ELF1: variants seen among roughly 807,000 people sequenced by gnomAD.
The protein encoded by ELF1 is E74 like ETS transcription factor 1, also known as ETS-related transcription factor Elf-1.
A neutral mutation model predicts 59.9 loss-of-function variants in ELF1; 24 were observed. The ratio of observed to expected loss-of-function variants is 0.40; its 90% confidence interval spans 0.29 to 0.56. ELF1 has a LOEUF of 0.56. Ranked by LOEUF, ELF1 falls within the 20% of genes least tolerant of loss-of-function variation. The probability of loss-of-function intolerance (pLI) is 0.44; values close to 1 mark genes in which losing one functional copy is unlikely to be tolerated. For missense variants in ELF1, 627 were observed against 742.2 expected (o/e 0.84, Z 1.80); for synonymous variants, 248 against 266.2 (o/e 0.93, Z 0.67).
rs371065658 is a variant in ELF1 at position 40,982,067 on chromosome 13, C to T, written c.-13G>A. On this transcript the variant is annotated 5_prime_UTR_variant, in exon 2 of 9. Coordinates refer to ENST00000239882, the MANE Select transcript of ELF1 (RefSeq NM_172373.4). ...CAACAGCAGCCATAATAAAGCATTCCCCTTAGATCCACATGAGAAAAATTC... is the reference window on the plus strand; with the variant it reads ...CAACAGCAGCCATAATAAAGCATTCTCCTTAGATCCACATGAGAAAAATTC... The T allele has an allele frequency of 6.2e-7, 1 of 1,603,906 alleles. No homozygotes were observed. Among genetic ancestry groups the T allele is most frequent in the Non-Finnish European group, 8.5e-7 (1 of 1,175,994 alleles).
At chr13:40,978,745 A>G (rs773924659) in intron 2 of ELF1, among the ~76,000 whole-genome samples, 2 of 152,144 alleles carry the variant, frequency 1.3e-5, no homozygotes, top group Non-Finnish European at 2.9e-5. Context: ...TAGTCAAGGA[A>G]ATACAAATTA....
At chr13:40,995,094 C>CA (rs1263949847) in intron 1 of ELF1, among the ~76,000 whole-genome samples, 4 of 152,172 alleles carry the variant, frequency 2.6e-5, no homozygotes, top group African/African-American at 9.7e-5. Context: ...TTCACTCTTA[C>CA]ACGGAGGCAC....
intron 1 of ELF1, among the ~76,000 whole-genome samples, chr13:41,038,711 C>T (rs147122601): frequency 3.3e-5 from 5 of 152,080 alleles, no homozygotes; most frequent in Non-Finnish European, 5.9e-5. Context: ...CATTTATACA[C>T]TAATTGATAA....
intron 1 of ELF1, among the ~76,000 whole-genome samples, chr13:41,060,411 T>C (rs1877485742): frequency 6.6e-6 from 1 of 151,984 alleles, no homozygotes; most frequent in South Asian, 2.1e-4. Context: ...CCGGAGTTAA[T>C]CATCACCTCC....
At chr13:40,993,384 C>T (rs1873963410) in intron 1 of ELF1, 4 of 908,066 alleles carry the variant, frequency 4.4e-6, no homozygotes, top group East Asian at 2.4e-5. Flanking sequence ...GGCAGTGCAC[C>T]GATGGGTCTG....
intron 1 of ELF1, among the ~76,000 whole-genome samples, chr13:41,006,526 A>G (rs1874769624): frequency 6.6e-6 from 1 of 152,132 alleles, no homozygotes; most frequent in African/African-American, 2.4e-5. Context: ...ACAATCAAAC[A>G]CAGTTAACGA....
chr13:40,993,013 T>C, intron 1 of ELF1: 1 of 1,448,658 alleles, frequency 6.9e-7, no homozygotes, highest in Non-Finnish European at 9.7e-7. Flanking sequence ...AGGTTCTCTT[T>C]GTTGTATTCT....
chr13:40,951,344 C>A lies in ELF1; in HGVS notation c.346G>T (p.Asp116Tyr). The A allele has an allele frequency of 6.2e-7, 1 of 1,610,384 alleles. No individual in the cohort carries two copies. The highest frequency in any genetic ancestry group is 8.5e-7 in the Non-Finnish European group (1 of 1,177,824). Residue 116 changes from aspartate to tyrosine, a missense_variant, in exon 4 of 9, where the codon GAT becomes TAT. Asp to Tyr is a radical substitution (Grantham distance 160). Around this residue, in one of 3 missense-constraint regions of ELF1, gnomAD observed 232 missense variants for 269.2 expected, o/e 0.86. Transcript: ENST00000239882. ...LNMDSPGPMLDEKRINNNIFS... is the reference protein window; with the variant it reads ...LNMDSPGPMLYEKRINNNIFS... ...AATCACTCACTTATTCGTTTTTCAT[C>A]CAGCATAGGGCCAGGGGAATCCATA...
chr13:40,983,793 A>G (rs1873413893), intron 1 of ELF1, among the ~76,000 whole-genome samples: 1 of 152,142 alleles, frequency 6.6e-6, no homozygotes, highest in African/African-American at 2.4e-5. Context: ...ATCCAACCCA[A>G]TTCCTCTGTA....
At chr13:41,009,698 G>A (rs147568031) in intron 1 of ELF1, among the ~76,000 whole-genome samples, 1 of 152,150 alleles carries the variant, frequency 6.6e-6, no homozygotes, top group East Asian at 1.9e-4. Context: ...GAAAGGGCTA[G>A]GAGACACAAG....
At chr13:41,002,107 T>G (rs1367624397) in intron 1 of ELF1, among the ~76,000 whole-genome samples, 2 of 151,694 alleles carry the variant, frequency 1.3e-5, no homozygotes, top group Non-Finnish European at 2.9e-5. Context: ...GAAGGGAAAA[T>G]CTGGGGGGGA....
intron 1 of ELF1, among the ~76,000 whole-genome samples, chr13:40,995,008 G>A (rs947989129): frequency 2.6e-5 from 4 of 152,078 alleles, no homozygotes; most frequent in African/African-American, 9.7e-5. Flanking sequence ...TTTGCTACAT[G>A]ACACGCCTCC....
intron 1 of ELF1, among the ~76,000 whole-genome samples, chr13:41,059,673 G>T (rs1425313286): frequency 2.2e-4 from 33 of 152,180 alleles, no homozygotes; most frequent in Admixed American, 2.1e-3. Flanking sequence ...ATTTCAGCTT[G>T]CATTTAAGAT....
intron 1 of ELF1, among the ~76,000 whole-genome samples, chr13:40,987,305 G>A (rs1216243326): frequency 1.3e-5 from 2 of 149,170 alleles, no homozygotes; most frequent in African/African-American, 4.9e-5. Context: ...TAAATAGTCC[G>A]GTGCCGTGGC....
intron 1 of ELF1, among the ~76,000 whole-genome samples, chr13:41,026,598 T>C (rs1875930788): frequency 6.6e-6 from 1 of 152,196 alleles, no homozygotes; most frequent in African/African-American, 2.4e-5. Context: ...GACCTTGCCA[T>C]CAACTGCAGA....
At chr13:41,047,152 C>T (rs541718111) in intron 1 of ELF1, among the ~76,000 whole-genome samples, 4 of 152,328 alleles carry the variant, frequency 2.6e-5, no homozygotes, top group African/African-American at 9.6e-5. Context: ...GACTTCTCTA[C>T]ACTGGTTATT....
chr13:40,981,716 A>T (rs1389407975), intron 2 of ELF1, among the ~76,000 whole-genome samples: 1 of 152,152 alleles, frequency 6.6e-6, no homozygotes, highest in Non-Finnish European at 1.5e-5. Context: ...TAAGGCATTT[A>T]GTGTTAAGTC....
At chr13:40,946,826 C>G (rs1479155681) in intron 5 of ELF1, among the ~76,000 whole-genome samples, 8 of 152,194 alleles carry the variant, frequency 5.3e-5, no homozygotes, top group Non-Finnish European at 1.0e-4. Flanking sequence ...ATAGTGAGAC[C>G]CACCTCTACA....
chr13:40,955,592 T>C, intron 3 of ELF1, among the ~76,000 whole-genome samples: 1 of 10,744 alleles, frequency 9.3e-5, no homozygotes, highest in African/African-American at 2.7e-4. Flanking sequence ...GTCCGGGAGG[T>C]GAGGGGCACC....
Sources: allele counts gnomAD v4.1 joint callset (sites outside exome capture counted in the v4.1 genomes callset), GRCh38; gene constraint gnomAD v4.1.1; regional missense constraint gnomAD v4.1.1; transcripts MANE v1.5; gene names NCBI Gene and HGNC (gene_info 2026-07-23, HGNC 2026-07-21).